PIP5K1B: variants seen among roughly 807,000 people sequenced by gnomAD.
PIP5K1B encodes the protein phosphatidylinositol-4-phosphate 5-kinase type 1 beta.
PIP5K1B carries 42 observed loss-of-function variants against 67.0 expected under a neutral mutation model. That is an observed-to-expected ratio of 0.63 (90% CI 0.49 to 0.81). The LOEUF (loss-of-function observed/expected upper bound fraction) is 0.81. PIP5K1B is among the 30% of genes least tolerant of loss of function. The pLI, the probability that PIP5K1B is intolerant of heterozygous loss-of-function variation, is 0.00. For synonymous variants in PIP5K1B, 214 were observed against 231.4 expected (o/e 0.92, Z 0.68); for missense variants, 459 against 646.3 (o/e 0.71, Z 3.14).
chr9:68,881,674 G>T (rs1824206078), intron 6 of PIP5K1B, among the ~76,000 whole-genome samples: 2 of 152,210 alleles, frequency 1.3e-5, no homozygotes, highest in South Asian at 4.1e-4. Context: ...GTTTCATGTT[G>T]AAACATGCAT....
intron 2 of PIP5K1B, among the ~76,000 whole-genome samples, chr9:68,766,788 G>C (rs1830447773): frequency 6.6e-6 from 1 of 152,032 alleles, no homozygotes; most frequent in Non-Finnish European, 1.5e-5. Context: ...AACAATATCA[G>C]ATATCAAAAA....
intron 2 of PIP5K1B, chr9:68,780,314 G>T (rs1450819255): frequency 6.2e-7 from 1 of 1,603,570 alleles, no homozygotes; most frequent in Admixed American, 1.7e-5. Context: ...CTTCGCCGGT[G>T]TTCCAGGCCG....
chr9:68,896,571 T>C (rs1489840023), intron 8 of PIP5K1B, among the ~76,000 whole-genome samples: 3 of 152,242 alleles, frequency 2.0e-5, no homozygotes, highest in African/African-American at 7.2e-5. Context: ...TCCCTCTTAC[T>C]CACTGCATTT....
chr9:68,913,034 GCTTTGACATTGA>G (rs1159439226), intron 8 of PIP5K1B, among the ~76,000 whole-genome samples: 2 of 152,338 alleles, frequency 1.3e-5, no homozygotes, highest in East Asian at 1.9e-4. Flanking sequence ...TCTAGCAGCT[GCTTTGACATTGA>G]CTTTGACATT....
chr9:68,721,788 G>A (rs1250154546), intron 1 of PIP5K1B, among the ~76,000 whole-genome samples: 1 of 152,174 alleles, frequency 6.6e-6, no homozygotes, highest in Non-Finnish European at 1.5e-5. Context: ...GCTCTTGCCA[G>A]CAATTAAAAC....
chr9:68,933,094 C>T (rs1356640973), intron 12 of PIP5K1B, among the ~76,000 whole-genome samples: 1 of 146,528 alleles, frequency 6.8e-6, no homozygotes, highest in Non-Finnish European at 1.5e-5. Flanking sequence ...AGCAAAACTC[C>T]GTCTCAAAAA....
chr9:68,707,689 A>G (rs1394428387), intron 1 of PIP5K1B: 2 of 152,162 alleles, frequency 1.3e-5, no homozygotes, highest in Admixed American at 6.5e-5. Context: ...TAGAACTTGG[A>G]TCTTCTGATG....
intron 14 of PIP5K1B, chr9:68,963,974 C>T (rs1444165786): frequency 1.3e-5 from 2 of 152,148 alleles, no homozygotes; most frequent in African/African-American, 4.8e-5. Flanking sequence ...TATTTCTAAG[C>T]TCCCGACGTT....
At chr9:68,933,840 T>C (rs138137603) in intron 12 of PIP5K1B, among the ~76,000 whole-genome samples, 227 of 152,286 alleles carry the variant, frequency 1.5e-3, no homozygotes, top group African/African-American at 5.2e-3. Flanking sequence ...CTTCTCTCAT[T>C]TGTGTGTCCC....
At chr9:68,903,784 G>A (rs543530392) in intron 8 of PIP5K1B, among the ~76,000 whole-genome samples, 3 of 152,312 alleles carry the variant, frequency 2.0e-5, no homozygotes, top group Admixed American at 1.3e-4. Context: ...ATGCTCTTCT[G>A]GGTTTTGGTG....
At chr9:68,847,413 TTGTGTGTGTG>T (rs777818994) in intron 4 of PIP5K1B, among the ~76,000 whole-genome samples, 61 of 101,644 alleles carry the variant, frequency 6.0e-4, no homozygotes, top group African/African-American at 1.7e-3. Context: ...AGCAGTGGTT[TTGTGTGTGTG>T]TGTGTGTGTG....
intron 2 of PIP5K1B, among the ~76,000 whole-genome samples, chr9:68,803,403 T>C (rs1275368873): frequency 6.6e-6 from 1 of 152,090 alleles, no homozygotes; most frequent in Non-Finnish European, 1.5e-5. Flanking sequence ...AGAAAAGAAT[T>C]CGGAAGACCA....
At chr9:68,805,731 C>G (rs762974260) in intron 2 of PIP5K1B, among the ~76,000 whole-genome samples, 40 of 152,104 alleles carry the variant, frequency 2.6e-4, no homozygotes, top group African/African-American at 8.2e-4. Context: ...GAGATTGGAG[C>G]AATGACCTCT....
intron 1 of PIP5K1B, chr9:68,742,200 T>G (rs1271637731): frequency 6.6e-6 from 1 of 152,102 alleles, no homozygotes; most frequent in Non-Finnish European, 1.5e-5. Flanking sequence ...TACTATAAGG[T>G]CATCTAGTTT....
Position 68,923,613 on chromosome 9 carries a change from T to C in PIP5K1B, c.1201+227T>C, listed in dbSNP as rs74392900. Among the ~76,000 whole-genome samples, 7 of 152,302 alleles carry C rather than the reference T, an allele frequency of 4.6e-5. No homozygotes were observed. The East Asian group carries it at 1.3e-3, about 29-fold the overall frequency. On this transcript the variant is annotated intron_variant, in intron 12 of 15. Transcript: ENST00000265382. Reference sequence around the variant, plus strand: ...TATCTAAATGTCCAACCATATAATATATTGGTTAAATATATTATGATACAG... The same window carrying C: ...TATCTAAATGTCCAACCATATAATACATTGGTTAAATATATTATGATACAG...
intron 2 of PIP5K1B, among the ~76,000 whole-genome samples, chr9:68,808,396 C>T (rs1001405829): frequency 2.0e-5 from 3 of 151,632 alleles, no homozygotes; most frequent in Non-Finnish European, 2.9e-5. Context: ...CTCCCCCCGA[C>T]TCCCAGCTTC....
intron 4 of PIP5K1B, among the ~76,000 whole-genome samples, chr9:68,846,596 A>T (rs1822203975): frequency 6.6e-6 from 1 of 152,226 alleles, no homozygotes; most frequent in Non-Finnish European, 1.5e-5. Context: ...TCTCACTGTC[A>T]GTCTATAAAA....
chr9:68,716,300 A>G (rs1468311503), intron 1 of PIP5K1B, among the ~76,000 whole-genome samples: 4 of 152,232 alleles, frequency 2.6e-5, no homozygotes, highest in Non-Finnish European at 4.4e-5. Context: ...ATGCCATAAC[A>G]TATAACTTGA....
intron 15 of PIP5K1B, among the ~76,000 whole-genome samples, chr9:69,000,757 G>T (rs980978242): frequency 6.6e-6 from 1 of 152,186 alleles, no homozygotes; most frequent in Non-Finnish European, 1.5e-5. Flanking sequence ...ACATTCTGTG[G>T]TGACAACAGT....
Sources: gnomAD v4.1 joint callset for allele counts (sites outside exome capture counted in the v4.1 genomes callset) on GRCh38, gnomAD v4.1.1 for gene constraint, MANE v1.5 for transcripts, NCBI Gene and HGNC (gene_info 2026-07-23, HGNC 2026-07-21) for gene names.